Variants in RBFOX2 observed in about 807,000 individuals in gnomAD.
RBFOX2 encodes RNA binding protein fox-1 homolog 2.
In RBFOX2, 10 loss-of-function variants were observed where a neutral mutation model predicts 49.1. The observed-to-expected ratio is 0.20, with a 90% CI of 0.13 to 0.35. RBFOX2 has a LOEUF of 0.35. Ranked by LOEUF, RBFOX2 falls within the 10% of genes least tolerant of loss-of-function variation. The probability of loss-of-function intolerance (pLI) is 1.00; values close to 1 mark genes in which losing one functional copy is unlikely to be tolerated. For missense variants in RBFOX2, 323 were observed against 486.9 expected (o/e 0.66, Z 3.17); for synonymous variants, 183 against 187.4 (o/e 0.98, Z 0.19).
chr22:36,018,959 C>T (rs974366605), intron 1 of RBFOX2, among the ~76,000 whole-genome samples: 4 of 152,018 alleles, frequency 2.6e-5, no homozygotes, highest in South Asian at 4.1e-4. Flanking sequence ...GTCTGGAGAG[C>T]GGGTTTGAAG....
In RBFOX2 at chr22:35,823,209, A is replaced by G. The variant is rs187608361; in HGVS notation, c.28-13205T>C. On this transcript the variant is annotated intron_variant, in intron 1 of 11. Coordinates refer to ENST00000405409, the Ensembl canonical transcript of RBFOX2. ...GGGAAGGGGTTGGAAAGGGTTTGGC[A>G]ATGCCAGGTAACTGAGTTATCCCCT... Among the ~76,000 whole-genome samples, 11 of 152,310 alleles carry G rather than the reference A, an allele frequency of 7.2e-5. No individual in the cohort carries two copies. In the East Asian group the frequency reaches 2.1e-3, roughly 29 times the overall value.
chr22:35,870,074 G>A (rs2044174019), intron 1 of RBFOX2, among the ~76,000 whole-genome samples: 1 of 152,078 alleles, frequency 6.6e-6, no homozygotes, highest in African/African-American at 2.4e-5. Context: ...ATGGACTTTT[G>A]TGGCAAGGCC....
chr22:35,778,756 C>T (rs978114347), intron 3 of RBFOX2, among the ~76,000 whole-genome samples: 1 of 152,152 alleles, frequency 6.6e-6, no homozygotes, highest in Non-Finnish European at 1.5e-5. Context: ...CCTGCCTCAG[C>T]CTCTTGAGTA....
chr22:35,813,366 C>T (rs1319679775), intron 1 of RBFOX2, among the ~76,000 whole-genome samples: 1 of 152,144 alleles, frequency 6.6e-6, no homozygotes, highest in African/African-American at 2.4e-5. Context: ...ATGAGTATTT[C>T]TAGGTATGAA....
At chr22:35,794,627 C>T (rs1948423747) in intron 2 of RBFOX2, among the ~76,000 whole-genome samples, 2 of 150,982 alleles carry the variant, frequency 1.3e-5, no homozygotes, top group Non-Finnish European at 2.9e-5. Flanking sequence ...CACTGCACTC[C>T]AGCCTGGGTA....
intron 1 of RBFOX2, among the ~76,000 whole-genome samples, chr22:35,936,140 G>T (rs2053037323): frequency 6.6e-6 from 1 of 151,128 alleles, no homozygotes; most frequent in Non-Finnish European, 1.5e-5. Flanking sequence ...TGCACCCCAG[G>T]GGTCAAGGCT....
At chr22:35,913,934 A>G (rs2050119209) in intron 1 of RBFOX2, among the ~76,000 whole-genome samples, 1 of 152,156 alleles carries the variant, frequency 6.6e-6, no homozygotes, top group Non-Finnish European at 1.5e-5. Flanking sequence ...ATGCTGTACC[A>G]TCTTCTTTTG....
At chr22:35,767,512 A>G (rs1941369548) in intron 5 of RBFOX2, among the ~76,000 whole-genome samples, 1 of 152,166 alleles carries the variant, frequency 6.6e-6, no homozygotes, top group Non-Finnish European at 1.5e-5. Flanking sequence ...TGGCTTTTAC[A>G]TTTAATACTT....
intron 2 of RBFOX2, among the ~76,000 whole-genome samples, chr22:35,784,676 T>C (rs960873014): frequency 7.9e-5 from 12 of 152,262 alleles, no homozygotes; most frequent in Admixed American, 7.2e-4. Context: ...CTTGTGGTTT[T>C]AGAAGCCGCG....
intron 1 of RBFOX2, among the ~76,000 whole-genome samples, chr22:35,931,219 A>G (rs934039151): frequency 2.0e-5 from 3 of 152,118 alleles, no homozygotes; most frequent in African/African-American, 7.2e-5. Flanking sequence ...AGCTTTGCAC[A>G]AAGGCTGAAA....
intron 6 of RBFOX2, 40 bp from the exon 8 acceptor site, chr22:35,761,508 T>C: frequency 1.9e-6 from 3 of 1,606,074 alleles, no homozygotes; most frequent in Non-Finnish European, 1.7e-6. Flanking sequence ...TTAAGACTGT[T>C]TGAGGAAAGG....
chr22:35,872,854 G>A (rs2044539823), intron 1 of RBFOX2, among the ~76,000 whole-genome samples: 1 of 152,120 alleles, frequency 6.6e-6, no homozygotes, highest in African/African-American at 2.4e-5. Context: ...CTTGAAAAAT[G>A]CAACACTTGG....
intron 1 of RBFOX2, among the ~76,000 whole-genome samples, chr22:35,918,708 T>C (rs1424011087): frequency 6.6e-6 from 1 of 151,694 alleles, no homozygotes; most frequent in Non-Finnish European, 1.5e-5. Flanking sequence ...GGGGCAATGG[T>C]GCTGGCCAAC....
At chr22:35,761,620 G>GTT in intron 6 of RBFOX2, 152 bp from the exon 8 acceptor site, 1 of 752,530 alleles carries the variant, frequency 1.3e-6, no homozygotes, top group Admixed American at 2.2e-5. Context: ...ATATGAGAGA[G>GTT]TAACAGTAGT....
chr22:35,882,512 A>G (rs906437583), intron 1 of RBFOX2, among the ~76,000 whole-genome samples: 2 of 152,246 alleles, frequency 1.3e-5, no homozygotes, highest in African/African-American at 2.4e-5. Flanking sequence ...AGTGAGGTCA[A>G]GAGTATTATT....
At chr22:35,994,185 A>AC (rs1180833535) in intron 1 of RBFOX2, 1 of 151,970 alleles carries the variant, frequency 6.6e-6, no homozygotes, top group Non-Finnish European at 1.5e-5. Context: ...AAATGGTAAA[A>AC]AAAAAAAGGT....
At chr22:35,833,904 AGAT>A in intron 1 of RBFOX2, among the ~76,000 whole-genome samples, 1 of 152,212 alleles carries the variant, frequency 6.6e-6, no homozygotes, top group Middle Eastern at 3.4e-3. Flanking sequence ...TAGTATTATT[AGAT>A]AATATTAATA....
chr22:35,774,538 T>C (rs1943437996), intron 4 of RBFOX2, among the ~76,000 whole-genome samples: 1 of 152,132 alleles, frequency 6.6e-6, no homozygotes, highest in Non-Finnish European at 1.5e-5. Flanking sequence ...AAGACTAAAA[T>C]TCACATGAAA....
chr22:35,760,115 G>A (rs577904948), intron 8 of RBFOX2, 95 bp from the exon 10 acceptor site: 31 of 1,505,728 alleles, frequency 2.1e-5, no homozygotes, highest in Admixed American at 6.9e-5. Flanking sequence ...TAGAAAAGAT[G>A]GAAAGATACG....
Sources: allele counts gnomAD v4.1 joint callset (sites outside exome capture counted in the v4.1 genomes callset), GRCh38; gene constraint gnomAD v4.1.1; transcripts MANE v1.5; gene names NCBI Gene and HGNC (gene_info 2026-07-23, HGNC 2026-07-21).